The following PHLDB2 variants were observed in gnomAD, a reference collection of about 807,000 sequenced individuals.
PHLDB2 encodes the protein pleckstrin homology like domain family B member 2, also known as pleckstrin homology-like domain family B member 2.
Under a neutral mutation model 123.6 loss-of-function variants are expected in PHLDB2, and 71 were observed. The ratio of observed to expected loss-of-function variants is 0.57; its 90% CI spans 0.47 to 0.70. The LOEUF is 0.70. Among genes scored for constraint, PHLDB2 ranks in the 30% least tolerant of loss-of-function variants. The pLI is 0.00. For synonymous variants in PHLDB2, 547 were observed against 541.6 expected, an observed-to-expected ratio of 1.01 and a Z score of -0.14; for missense variants, 1,446 against 1,519.5, an observed-to-expected ratio of 0.95 and a Z score of 0.80.
chr3:111,910,134 C>T lies in PHLDB2; in HGVS notation c.1336-3185C>T, dbSNP rs151065203. 3.4e-4 allele frequency among the ~76,000 whole-genome samples: 51 copies of T among 152,178 alleles called. No individual in the cohort carries two copies. The East Asian group carries it at 9.7e-3, about 29-fold the overall frequency. ...CAAAAAACATACCCCTAGCCCATCA[C>T]CATTTTTTCCCCTTTAACCTCTAAG... On this transcript the variant is annotated intron_variant, in intron 2 of 17. Transcript: ENST00000431670.
At chr3:111,737,289 G>A (rs2059524758) in intron 1 of PHLDB2, among the ~76,000 whole-genome samples, 1 of 152,208 alleles carries the variant, frequency 6.6e-6, no homozygotes, top group African/African-American at 2.4e-5. Context: ...TCCATCCCAT[G>A]CGACAGTCAT....
At chr3:111,910,736 A>T (rs781661749) in intron 2 of PHLDB2, among the ~76,000 whole-genome samples, 3 of 152,228 alleles carry the variant, frequency 2.0e-5, no homozygotes, top group Non-Finnish European at 4.4e-5. Context: ...TTATCTTATG[A>T]CAGTAATTTC....
rs369585102 is a variant in PHLDB2, at chr3:111,884,619, A to G, written c.542A>G (p.Asn181Ser). ...TCTGGCTCGCTCCTGGCCATGTGGAATGGAAGTTCCCTGAGTGATGCTGGC... is the reference window on the plus strand; with the variant it reads ...TCTGGCTCGCTCCTGGCCATGTGGAGTGGAAGTTCCCTGAGTGATGCTGGC... ...KASGSLLAMW[N>S]GSSLSDAGPP... is the part of the protein sequence containing the mutation. The change falls in exon 2 of 18, where the codon AAT (asparagine) becomes AGT (serine). Residue 181 changes from asparagine (N) to serine (S), a missense_variant. By Grantham distance (46) the Asn-to-Ser change is conservative (BLOSUM62 1). This residue lies in a region of PHLDB2 where 832 missense variants were observed against 831.9 expected (regional missense o/e 1.00). Transcript: ENST00000431670. 1.1e-5 allele frequency: 18 copies of G among 1,614,018 alleles called. No homozygotes were observed. In the African/African-American group the frequency reaches 2.4e-4, roughly 22 times the overall value.
At chr3:111,747,360 C>T (rs1249314858) in intron 1 of PHLDB2, among the ~76,000 whole-genome samples, 3 of 151,740 alleles carry the variant, frequency 2.0e-5, no homozygotes, top group Admixed American at 6.6e-5. Flanking sequence ...AAAGTAAATG[C>T]CTTAAGGTAT....
intron 6 of PHLDB2, among the ~76,000 whole-genome samples, chr3:111,933,510 A>G (rs1577120470): frequency 3.3e-5 from 5 of 152,358 alleles, no homozygotes; most frequent in Admixed American, 2.6e-4. Flanking sequence ...TGAGAATCCA[A>G]TGCAGCTGTT....
intron 2 of PHLDB2, among the ~76,000 whole-genome samples, chr3:111,892,249 A>C (rs1460014695): frequency 1.3e-5 from 2 of 152,196 alleles, no homozygotes; most frequent in African/African-American, 4.8e-5. Context: ...TGTGGTAGTT[A>C]TGCGAATAGG....
chr3:111,916,931 C>T (rs747927158), intron 3 of PHLDB2: 5 of 151,986 alleles, frequency 3.3e-5, no homozygotes, highest in Admixed American at 2.6e-4. Flanking sequence ...AGATTCCTGT[C>T]CATTACTGGA....
chr3:111,803,642 A>T (rs1463433327), intron 1 of PHLDB2, among the ~76,000 whole-genome samples: 1 of 152,192 alleles, frequency 6.6e-6, no homozygotes, highest in East Asian at 1.9e-4. Flanking sequence ...GGGCTTTGAA[A>T]TCAAACAAAC....
At chr3:111,773,352 C>T (rs2060210745) in intron 1 of PHLDB2, among the ~76,000 whole-genome samples, 2 of 152,106 alleles carry the variant, frequency 1.3e-5, no homozygotes, top group African/African-American at 4.8e-5. Context: ...TTGCATGACC[C>T]AAATGTATGA....
At chr3:111,799,272 T>C (rs2061290778) in intron 1 of PHLDB2, among the ~76,000 whole-genome samples, 1 of 152,056 alleles carries the variant, frequency 6.6e-6, no homozygotes, top group African/African-American at 2.4e-5. Flanking sequence ...GTACTCTTAT[T>C]ATAATGGGAG....
intron 5 of PHLDB2, among the ~76,000 whole-genome samples, chr3:111,931,318 G>A (rs972806689): frequency 6.6e-6 from 1 of 152,182 alleles, no homozygotes; most frequent in Non-Finnish European, 1.5e-5. Flanking sequence ...AAGAACACAA[G>A]TTGGGAAGAC....
chr3:111,953,264 C>T (rs1444738757), intron 11 of PHLDB2, among the ~76,000 whole-genome samples: 2 of 152,108 alleles, frequency 1.3e-5, no homozygotes, highest in Non-Finnish European at 2.9e-5. Flanking sequence ...ACCTGATGCC[C>T]GCCCAAGCTC....
chr3:111,830,955 G>GAAAGAAAGAAAGAA (rs1553736316), intron 1 of PHLDB2, among the ~76,000 whole-genome samples: 1 of 63,678 alleles, frequency 1.6e-5, no homozygotes, highest in African/African-American at 7.4e-5. Context: ...AAGAAAGAAA[G>GAAAGAAAGAAAGAA]AGAAAGAAAG....
At chr3:111,737,373 G>C (rs1253174644) in intron 1 of PHLDB2, among the ~76,000 whole-genome samples, 1 of 152,110 alleles carries the variant, frequency 6.6e-6, no homozygotes. Flanking sequence ...TGTGACTTCT[G>C]AGGTTCTAAT....
chr3:111,943,428 A>G (rs1159430464), intron 8 of PHLDB2, among the ~76,000 whole-genome samples: 1 of 152,138 alleles, frequency 6.6e-6, no homozygotes, highest in South Asian at 2.1e-4. Context: ...AGCTTCCAGA[A>G]CAAAATATAA....
rs538416953 is a variant in PHLDB2, at chr3:111,801,315, C to G, written c.-48-44506C>G. Reference sequence around the variant, plus strand: ...TCCTGGGGTTCATGAAGCAGGCCTCCCTCCCTCCTCTAATCTAAGTTTCAA... The same window carrying G: ...TCCTGGGGTTCATGAAGCAGGCCTCGCTCCCTCCTCTAATCTAAGTTTCAA... On this transcript the variant is annotated intron_variant, in intron 1 of 17. Transcript: ENST00000393923. Among the ~76,000 whole-genome samples the G allele has an allele frequency of 4.6e-3, 694 of 152,192 alleles. 6 individuals are homozygous for G. The highest frequency in any genetic ancestry group is 0.016 in the African/African-American group (667 of 41,510).
intron 1 of PHLDB2, among the ~76,000 whole-genome samples, chr3:111,835,947 C>T (rs533106134): frequency 6.8e-4 from 104 of 152,280 alleles, no homozygotes; most frequent in African/African-American, 2.4e-3. Context: ...TTTACAGGCC[C>T]ATCCAGATCC....
At position 111,919,156 on chromosome 3, in the gene PHLDB2, G is replaced by A. The variant is rs765870551; in HGVS notation, c.1804G>A (p.Glu602Lys). ...ETRIVILNNL[E>K]ELKQKIKDIN... is the part of the protein sequence containing the mutation. ...CCGGATAGTCATTCTGAACAACCTC[G>A]AGGAACTTAAGCAAAAAATCAAAGA... is the stretch of plus-strand genomic sequence containing the variant. Residue 602 changes from glutamate to lysine, a missense_variant, in exon 4 of 18, where the codon GAG (glutamate) becomes AAG (lysine). Transcript: ENST00000431670. 184 of 1,613,958 alleles carry A rather than the reference G, an allele frequency of 1.1e-4. No homozygotes were observed. Among genetic ancestry groups the A allele is most frequent in the Middle Eastern group, 9.9e-4 (6 of 6,084 alleles).
chr3:111,871,902 T>C (rs1418116005), intron 1 of PHLDB2, among the ~76,000 whole-genome samples: 1 of 152,140 alleles, frequency 6.6e-6, no homozygotes, highest in African/African-American at 2.4e-5. Context: ...GATCCCTAAG[T>C]TGGTTTTTCA....
Sources: gnomAD v4.1 joint callset for allele counts (sites outside exome capture counted in the v4.1 genomes callset) on GRCh38, gnomAD v4.1.1 for gene constraint, gnomAD v4.1.1 regional missense constraint, MANE v1.5 for transcripts, NCBI Gene and HGNC (gene_info 2026-07-23, HGNC 2026-07-21) for gene names.